PRRC2C: variants seen among roughly 807,000 people sequenced by gnomAD.
The protein encoded by PRRC2C is proline rich coiled-coil 2C, also known as protein PRRC2C.
PRRC2C carries 72 observed loss-of-function variants against 317.2 expected under a neutral mutation model. The observed-to-expected ratio is 0.23, with a 90% CI of 0.19 to 0.28. The LOEUF is 0.28. Ranked by LOEUF, PRRC2C falls within the 10% of genes least tolerant of loss-of-function variation. PRRC2C has a pLI of 1.00. For synonymous variants in PRRC2C, 1,296 were observed against 1,205.9 expected, an observed-to-expected ratio of 1.07 and a Z score of -1.55; for missense variants, 3,074 against 3,459.7, an observed-to-expected ratio of 0.89 and a Z score of 2.80.
intron 15 of PRRC2C, 73 bp from the exon 16 acceptor site, chr1:171,539,898 A>G: frequency 8.1e-7 from 1 of 1,229,654 alleles, no homozygotes; most frequent in South Asian, 1.5e-5. Flanking sequence ...TTTTAGAGGG[A>G]TTATTTTGCT....
intron 11 of PRRC2C, among the ~76,000 whole-genome samples, chr1:171,529,564 A>G (rs1675379307): frequency 1.3e-5 from 2 of 152,142 alleles, no homozygotes; most frequent in Non-Finnish European, 2.9e-5. Flanking sequence ...TGTCACCTGT[A>G]CCTTCAAAAT....
chr1:171,566,975 G>C, intron 22 of PRRC2C, 132 bp downstream of exon 22: 1 of 1,051,990 alleles, frequency 9.5e-7, no homozygotes, highest in Non-Finnish European at 1.3e-6. Context: ...CCGCAAAGAA[G>C]ATTTTGTTTC....
intron 1 of PRRC2C, among the ~76,000 whole-genome samples, chr1:171,506,014 G>C (rs1352854919): frequency 1.3e-5 from 2 of 152,110 alleles, no homozygotes; most frequent in African/African-American, 4.8e-5. Flanking sequence ...ATATAGCCTT[G>C]GTGTTCAGTA....
intron 19 of PRRC2C, among the ~76,000 whole-genome samples, chr1:171,559,487 T>C (rs1035360931): frequency 6.8e-6 from 1 of 147,344 alleles, no homozygotes; most frequent in Admixed American, 6.9e-5. Flanking sequence ...CACATCTGTT[T>C]ACAAAATGGC....
chr1:171,553,046 C>T (rs528813834), intron 18 of PRRC2C, among the ~76,000 whole-genome samples: 1 of 152,266 alleles, frequency 6.6e-6, no homozygotes, highest in African/African-American at 2.4e-5. Context: ...GTACCGGCTC[C>T]TCTTTGTACC....
At chr1:171,498,584 A>T (rs1003536396) in intron 1 of PRRC2C, among the ~76,000 whole-genome samples, 2 of 152,242 alleles carry the variant, frequency 1.3e-5, no homozygotes, top group African/African-American at 4.8e-5. Flanking sequence ...ATTAGACTTC[A>T]GTAAAACATT....
At chr1:171,523,960 C>A (rs563183864) in intron 9 of PRRC2C, among the ~76,000 whole-genome samples, 2 of 151,816 alleles carry the variant, frequency 1.3e-5, no homozygotes, top group Non-Finnish European at 2.9e-5. Context: ...CACTTGAATC[C>A]GGGAGGCGGA....
At chr1:171,585,405 A>T (rs951584869) in intron 30 of PRRC2C, among the ~76,000 whole-genome samples, 2 of 151,318 alleles carry the variant, frequency 1.3e-5, no homozygotes, top group Non-Finnish European at 2.9e-5. Context: ...ATCTCTAATA[A>T]TTTCATTAGC....
chr1:171,529,578 C>T (rs751848409), intron 11 of PRRC2C, among the ~76,000 whole-genome samples: 2 of 152,188 alleles, frequency 1.3e-5, no homozygotes, highest in African/African-American at 4.8e-5. Context: ...TCAAAATGTA[C>T]ACTGACTACT....
In PRRC2C at chr1:171,523,326, A is replaced by G; in HGVS notation, c.939A>G (p.Leu313=). The change falls in exon 8 of 35, where the codon CTA becomes CTG. Residue 313 remains leucine (L), a synonymous_variant. Coordinates refer to ENST00000647382, the MANE Select transcript of PRRC2C (RefSeq NM_001387844.1). The stretch of plus-strand genomic sequence containing the variant: ...AGGAGCTTGATAAATTTGATAACCT[A>G]GATGCTGAAGCTGATGAAGGTTGGG... ...ELKELDKFDN[L]DAEADEGWAG... 2 of 1,613,988 alleles carry G rather than the reference A, an allele frequency of 1.2e-6. No individual in the cohort carries two copies. The highest frequency in any genetic ancestry group is 8.5e-7 in the Non-Finnish European group (1 of 1,179,880).
chr1:171,592,545 T>C lies in PRRC2C; in HGVS notation c.*698T>C, dbSNP rs1651638957. 1 of 152,206 alleles carries C rather than the reference T, an allele frequency of 6.6e-6. No individual in the cohort carries two copies. The highest frequency in any genetic ancestry group is 6.5e-5 in the Admixed American group (1 of 15,290). 9.4% of individuals were successfully genotyped at this position (152,206 alleles called of 1,614,324 possible). A position where few individuals can be genotyped will look rare whatever the true frequency, so the allele number is the denominator to read the frequency against. On this transcript the variant is annotated 3_prime_UTR_variant, in exon 35 of 35. Transcript: ENST00000647382. ...TTCTATTTGAAATGGTGCTGTGTTTTGGTTGTGGTCTGAAGCTTTGAAGCG... is the reference window on the plus strand; with the variant it reads ...TTCTATTTGAAATGGTGCTGTGTTTCGGTTGTGGTCTGAAGCTTTGAAGCG...
At chr1:171,535,666 TAGACATAAAACTGATA>T (rs1676688114) in intron 13 of PRRC2C, 69 bp downstream of exon 13, 2 of 1,498,772 alleles carry the variant, frequency 1.3e-6, no homozygotes. Context: ...TCTGGGAAAT[TAGACATAAAACTGATA>T]ATACGTAAAG....
rs1672620307 is a variant in PRRC2C at position 171,517,606 on chromosome 1, G to T, written c.542G>T (p.Arg181Ile). ...SLRPPNVACW[R>I]DGGKAAGSPS... is the part of the protein sequence containing the mutation. Reference sequence around the variant, plus strand: ...TTCATACTAGATGTTGCTTGTTGGAGAGATGGTGGTAAGGCTGCTGGCTCA... The same window carrying T: ...TTCATACTAGATGTTGCTTGTTGGATAGATGGTGGTAAGGCTGCTGGCTCA... The change falls in exon 6 of 35, where the codon AGA becomes ATA. Residue 181 changes from arginine to isoleucine, a missense_variant. This residue lies in a region of PRRC2C where 237 missense variants were observed against 199.5 expected (regional missense o/e 1.19). Coordinates refer to ENST00000647382, the MANE Select transcript of PRRC2C (RefSeq NM_001387844.1). The T allele has an allele frequency of 1.2e-6, 2 of 1,611,608 alleles. No homozygotes were observed. Among genetic ancestry groups the T allele is most frequent in the South Asian group, 2.2e-5 (2 of 90,864 alleles).
rs761857657 is a variant in PRRC2C at position 171,587,048 on chromosome 1, G to A, written c.7795G>A (p.Gly2599Arg). The change falls in exon 31 of 35, where the codon GGA (glycine) becomes AGA (arginine). Residue 2599 changes from glycine (G) to arginine (R), a missense_variant. Around this residue, in one of 11 missense-constraint regions of PRRC2C, gnomAD observed 490 missense variants for 663.1 expected, o/e 0.74. Transcript: ENST00000647382. ...PASQLSLPNFGSTGQPLIALP... is the reference protein window; with the variant it reads ...PASQLSLPNFRSTGQPLIALP... ...ATCGCAGCTTTCCTTGCCTAATTTT[G>A]GATCTACAGGGCAACCTCTAATTGC... The A allele has an allele frequency of 1.7e-5, 28 of 1,611,398 alleles. No homozygotes were observed. The highest frequency in any genetic ancestry group is 2.2e-5 in the Non-Finnish European group (26 of 1,178,744).
At chr1:171,565,275 G>T (rs1276553085) in intron 20 of PRRC2C, among the ~76,000 whole-genome samples, 3 of 152,086 alleles carry the variant, frequency 2.0e-5, no homozygotes, top group Non-Finnish European at 4.4e-5. Flanking sequence ...CTCCTCAGGG[G>T]CTTTCTCTGT....
intron 17 of PRRC2C, among the ~76,000 whole-genome samples, chr1:171,547,417 T>C (rs1679317138): frequency 6.6e-6 from 1 of 152,124 alleles, no homozygotes; most frequent in Non-Finnish European, 1.5e-5. Context: ...AGTGAAAAAC[T>C]GAGATGAAAT....
chr1:171,507,485 C>T (rs952695586), intron 1 of PRRC2C, among the ~76,000 whole-genome samples: 5 of 152,122 alleles, frequency 3.3e-5, no homozygotes, highest in African/African-American at 4.8e-5. Context: ...GTGGCAGACG[C>T]CCGTAGTCCC....
chr1:171,541,434 C>T lies in PRRC2C; in HGVS notation c.3968C>T (p.Pro1323Leu). ...ATAGATAATAGACTGCTAGAAAAGCCTTATGTAAGGGATGACGATAAAGCT... is the reference window on the plus strand; with the variant it reads ...ATAGATAATAGACTGCTAGAAAAGCTTTATGTAAGGGATGACGATAAAGCT... ...VRIDNRLLEK[P>L]YVRDDDKAKP... The change falls in exon 16 of 35, where the codon CCT (proline) becomes CTT (leucine). Residue 1323 changes from proline to leucine, a missense_variant. Around this residue, in one of 11 missense-constraint regions of PRRC2C, gnomAD observed 1,320 missense variants for 1,395.7 expected, o/e 0.95. Coordinates refer to ENST00000647382, the MANE Select transcript of PRRC2C (RefSeq NM_001387844.1). This position sits in a 1 kb window ranked among gnomAD's most constrained non-coding sequence, Gnocchi z 4.1. The T allele has an allele frequency of 1.9e-6, 3 of 1,613,910 alleles. No homozygotes were observed. The highest frequency in any genetic ancestry group is 1.1e-5 in the South Asian group (1 of 91,080).
intron 1 of PRRC2C, among the ~76,000 whole-genome samples, chr1:171,486,372 C>T (rs1666106907): frequency 6.6e-6 from 1 of 151,962 alleles, no homozygotes; most frequent in African/African-American, 2.4e-5. Flanking sequence ...GCCGCTCCAT[C>T]CTCTAACTTG....
Sources: allele counts gnomAD v4.1 joint callset (sites outside exome capture counted in the v4.1 genomes callset), GRCh38; gene constraint gnomAD v4.1.1; regional missense constraint gnomAD v4.1.1; non-coding constraint Gnocchi (gnomAD v3.1); transcripts MANE v1.5; gene names NCBI Gene and HGNC (gene_info 2026-07-23, HGNC 2026-07-21).